OR2A5: variants seen among roughly 807,000 people sequenced by gnomAD.
OR2A5 encodes olfactory receptor 2A5.
OR2A5 carries 2 observed loss-of-function variants against 1.9 expected under a neutral mutation model. The ratio of observed to expected loss-of-function variants is 1.04; its 90% CI spans 0.43 to 3.28. OR2A5 has a LOEUF of 3.28. OR2A5 is among the 30% of genes most tolerant of loss of function. The probability of loss-of-function intolerance (pLI) is 0.08; values close to 1 mark genes in which losing one functional copy is unlikely to be tolerated. For missense variants in OR2A5, 391 were observed against 375.9 expected (o/e 1.04, Z -0.33); for synonymous variants, 160 against 154.5 (o/e 1.04, Z -0.26).
chr7:144,051,206 G>A lies in OR2A5; in HGVS notation c.805G>A (p.Glu269Lys), dbSNP rs763863522. Residue 269 changes from glutamate to lysine, a missense_variant, in exon 2 of 2, where the codon GAG becomes AAG. Glu to Lys is a moderately conservative substitution (Grantham distance 56). Coordinates refer to ENST00000641693, the MANE Select transcript of OR2A5 (RefSeq NM_012365.2). ...GGCCCCCAAGTCCCGCCACCCTGAG[G>A]AGCAGCAGAAGGTCCTTTCCCTGTT... ...YMAPKSRHPEEQQKVLSLFYS... is the reference protein window; with the variant it reads ...YMAPKSRHPEKQQKVLSLFYS... 14 of 1,614,200 alleles carry A rather than the reference G, an allele frequency of 8.7e-6. No homozygotes were observed. The highest frequency in any genetic ancestry group is 1.2e-5 in the Non-Finnish European group (14 of 1,180,036).
rs1161648059 is a variant in OR2A5 at position 144,051,623 on chromosome 7, C to G, written c.*286C>G. The G allele has an allele frequency of 2.8e-6, 1 of 360,464 alleles. No individual in the cohort carries two copies. The highest frequency in any genetic ancestry group is 5.0e-6 in the Non-Finnish European group (1 of 200,214). The allele number at this position is 360,464 out of a possible 1,614,324, so 22.3% of individuals were successfully genotyped here. A position where few individuals can be genotyped will look rare whatever the true frequency, so the allele number is the denominator to read the frequency against. On this transcript the variant is annotated 3_prime_UTR_variant, in exon 2 of 2. Coordinates refer to ENST00000641693, the MANE Select transcript of OR2A5 (RefSeq NM_012365.2). ...CTGTTCTTTTGAGGCTTAGTTCTCT[C>G]AAGCTTCCTCTTAAATTCCTCTATT...
Position 144,057,055 on chromosome 7 carries a change from C to T in OR2A5, c.*5718C>T, listed in dbSNP as rs1261488206. On this transcript the variant is annotated 3_prime_UTR_variant, in exon 2 of 2. Transcript: ENST00000641693. ...GGTCTCGATCTGCTGACCTCGTGATCCACCCACCTCGGCCTCCCAAAGTGC... is the reference window on the plus strand; with the variant it reads ...GGTCTCGATCTGCTGACCTCGTGATTCACCCACCTCGGCCTCCCAAAGTGC... 2 of 151,928 alleles carry T rather than the reference C, an allele frequency of 1.3e-5. No homozygotes were observed. The highest frequency in any genetic ancestry group is 2.9e-5 in the Non-Finnish European group (2 of 67,970). 9.4% of individuals were successfully genotyped at this position (151,928 alleles called of 1,614,324 possible).
In OR2A5 at chr7:144,056,856, C is replaced by T. The variant is rs1184741021; in HGVS notation, c.*5519C>T. 7.0e-6 allele frequency: 1 copy of T among 142,504 alleles called. No homozygotes were observed. The highest frequency in any genetic ancestry group is 2.7e-5 in the African/African-American group (1 of 37,424). 8.8% of individuals were successfully genotyped at this position (142,504 alleles called of 1,614,324 possible). On this transcript the variant is annotated 3_prime_UTR_variant, in exon 2 of 2. Transcript: ENST00000641693. Reference sequence around the variant, plus strand: ...TTGAGACGGAGTCTCGCTCTGTCGCCCAGGCTGGAGTGCAGTGGCACAATC... The same window carrying T: ...TTGAGACGGAGTCTCGCTCTGTCGCTCAGGCTGGAGTGCAGTGGCACAATC...
In OR2A5 at chr7:144,050,790, T is replaced by C. The variant is rs1453092743; in HGVS notation, c.389T>C (p.Leu130Pro). The C allele has an allele frequency of 6.2e-7, 1 of 1,614,122 alleles. No individual in the cohort carries two copies. The highest frequency in any genetic ancestry group is 8.5e-7 in the Non-Finnish European group (1 of 1,180,040). Residue 130 changes from leucine to proline, a missense_variant, in exon 2 of 2, where the codon CTG becomes CCG. Leu to Pro is a moderately conservative substitution (Grantham distance 98). Transcript: ENST00000641693. Reference protein sequence around the residue: ...YDRYMAICHPLQYSVIMRWGV... With the variant: ...YDRYMAICHPPQYSVIMRWGV... The stretch of plus-strand genomic sequence containing the variant: ...CGGTACATGGCTATCTGCCACCCTC[T>C]GCAATATTCTGTCATCATGAGATGG...
Position 144,051,436 on chromosome 7 carries a change from T to A in OR2A5, c.*99T>A. 1 of 919,434 alleles carries A rather than the reference T, an allele frequency of 1.1e-6. No homozygotes were observed. Among genetic ancestry groups the A allele is most frequent in the Non-Finnish European group, 1.6e-6 (1 of 608,154 alleles). 57.0% of individuals were successfully genotyped at this position (919,434 alleles called of 1,614,324 possible). ...CTTACAGTCTCATCTCTTAGATTTC[T>A]GATATCAAGAATGTATATTGATTGG... On this transcript the variant is annotated 3_prime_UTR_variant, in exon 2 of 2. Coordinates refer to ENST00000641693, the MANE Select transcript of OR2A5 (RefSeq NM_012365.2).
intron 1 of OR2A5, 72 bp downstream of exon 1, chr7:144,049,205 A>C (rs1047001232): frequency 6.6e-6 from 1 of 152,322 alleles, no homozygotes; most frequent in Non-Finnish European, 1.5e-5. Context: ...AGGGCTCCAG[A>C]AATCAGTACA....
chr7:144,050,364 G>T lies in OR2A5; in HGVS notation c.-38G>T. On this transcript the variant is annotated 5_prime_UTR_variant, in exon 2 of 2. Coordinates refer to ENST00000641693, the MANE Select transcript of OR2A5 (RefSeq NM_012365.2). ...TTTGCTCCTCAGCACATAGCTCATT[G>T]CCACAGCAGAGTCCAACGCAGGTAC... 7.3e-7 allele frequency: 1 copy of T among 1,366,714 alleles called. No homozygotes were observed. Among genetic ancestry groups the T allele is most frequent in the Non-Finnish European group, 1.0e-6 (1 of 998,084 alleles). The allele number at this position is 1,366,714 out of a possible 1,614,324, so 84.7% of individuals were successfully genotyped here. A position where few individuals can be genotyped will look rare whatever the true frequency, so the allele number is the denominator to read the frequency against.
Position 144,054,220 on chromosome 7 carries a change from C to A in OR2A5, c.*2883C>A, listed in dbSNP as rs2050924030. 6.6e-6 allele frequency: 1 copy of A among 152,176 alleles called. No individual in the cohort carries two copies. The highest frequency in any genetic ancestry group is 2.4e-5 in the African/African-American group (1 of 41,436). The allele number at this position is 152,176 out of a possible 1,614,324, so 9.4% of individuals were successfully genotyped here. A position where few individuals can be genotyped will look rare whatever the true frequency, so the allele number is the denominator to read the frequency against. ...TGCTACAACTTGCTAAATAGGTCTG[C>A]TTCTAGGAATAATATAGCCTCCTCA... On this transcript the variant is annotated 3_prime_UTR_variant, in exon 2 of 2. Transcript: ENST00000641693.
chr7:144,051,260 C>T lies in OR2A5; in HGVS notation c.859C>T (p.Pro287Ser), dbSNP rs774855574. ...FYSLFNPMLN[P>S]LIYSLRNAEV... ...CAGCCTTTTCAACCCGATGCTGAACCCCTTGATCTATAGCCTGAGGAACGC... is the reference window on the plus strand; with the variant it reads ...CAGCCTTTTCAACCCGATGCTGAACTCCTTGATCTATAGCCTGAGGAACGC... The change falls in exon 2 of 2, where the codon CCC becomes TCC. Residue 287 changes from proline (P) to serine (S), a missense_variant. Pro to Ser is a moderately conservative substitution (Grantham distance 74, BLOSUM62 -1). Transcript: ENST00000641693. 5.0e-6 allele frequency: 8 copies of T among 1,613,870 alleles called. No homozygotes were observed. The highest frequency in any genetic ancestry group is 4.5e-5 in the East Asian group (2 of 44,868).
rs2050909436 is a variant in OR2A5 at position 144,051,831 on chromosome 7, G to A, written c.*494G>A. Reference sequence around the variant, plus strand: ...TTGGAACCTAAAGCCTAAGGATGATGATATTAGTACTGGAAGTTCATCTAA... The same window carrying A: ...TTGGAACCTAAAGCCTAAGGATGATAATATTAGTACTGGAAGTTCATCTAA... On this transcript the variant is annotated 3_prime_UTR_variant, in exon 2 of 2. Transcript: ENST00000641693. 6.4e-6 allele frequency: 1 copy of A among 156,452 alleles called. No individual in the cohort carries two copies. The highest frequency in any genetic ancestry group is 1.4e-5 in the Non-Finnish European group (1 of 70,372). The allele number at this position is 156,452 out of a possible 1,614,324, so 9.7% of individuals were successfully genotyped here. A position where few individuals can be genotyped will look rare whatever the true frequency, so the allele number is the denominator to read the frequency against.
intron 1 of OR2A5, among the ~76,000 whole-genome samples, chr7:144,049,557 C>T (rs965849177): frequency 3.0e-4 from 45 of 152,188 alleles, no homozygotes; most frequent in African/African-American, 1.1e-3. Flanking sequence ...GGCATTGTGC[C>T]AGCAACAGCA....
rs2961119 is a variant in OR2A5 at position 144,058,759 on chromosome 7, T to C, written c.*7422T>C. Reference sequence around the variant, plus strand: ...TCTAAAATACAAAAATTACCGGGCATGGTGGCACGTGCTTGTAGTCCCAGC... The same window carrying C: ...TCTAAAATACAAAAATTACCGGGCACGGTGGCACGTGCTTGTAGTCCCAGC... On this transcript the variant is annotated 3_prime_UTR_variant, in exon 2 of 2. Coordinates refer to ENST00000641693, the MANE Select transcript of OR2A5 (RefSeq NM_012365.2). 48,788 of 151,866 alleles carry C rather than the reference T, an allele frequency of 0.32. 8,539 individuals are homozygous for C. The highest frequency in any genetic ancestry group is 0.43 in the African/African-American group (17,713 of 41,352). 9.4% of individuals were successfully genotyped at this position (151,866 alleles called of 1,614,324 possible).
In OR2A5 at chr7:144,051,530, G is replaced by C. The variant is rs2050906860; in HGVS notation, c.*193G>C. ...ATGCAGACAGGCGCTGAGCCGTGTG[G>C]TGCAGCAGAGGTGCAAAGTGCCATG... is the stretch of plus-strand genomic sequence containing the variant. On this transcript the variant is annotated 3_prime_UTR_variant, in exon 2 of 2. Transcript: ENST00000641693. 1.9e-5 allele frequency: 11 copies of C among 570,434 alleles called. No homozygotes were observed. The Admixed American group carries it at 2.3e-4, about 12-fold the overall frequency. 35.3% of individuals were successfully genotyped at this position (570,434 alleles called of 1,614,324 possible).
rs2050913726 is a variant in OR2A5 at position 144,052,508 on chromosome 7, T to G, written c.*1171T>G. The G allele has an allele frequency of 6.6e-6, 1 of 152,152 alleles. No homozygotes were observed. Among genetic ancestry groups the G allele is most frequent in the Admixed American group, 6.6e-5 (1 of 15,264 alleles). The allele number at this position is 152,152 out of a possible 1,614,324, so 9.4% of individuals were successfully genotyped here. A position where few individuals can be genotyped will look rare whatever the true frequency, so the allele number is the denominator to read the frequency against. On this transcript the variant is annotated 3_prime_UTR_variant, in exon 2 of 2. Transcript: ENST00000641693. ...ATTACATTATCTGCTGCCTGTACCTTTTCTATTTTTACAATTTTAAAATAT... is the reference window on the plus strand; with the variant it reads ...ATTACATTATCTGCTGCCTGTACCTGTTCTATTTTTACAATTTTAAAATAT...
rs2050942848 is a variant in OR2A5 at position 144,056,817 on chromosome 7, T to TTG, written c.*5481_*5482insGT. ...TGAAATAAGGACTAACTCTTGTTTT[T>TTG]TTTTTTTTTTTTTTTGAGACGGAGT... On this transcript the variant is annotated 3_prime_UTR_variant, in exon 2 of 2. Transcript: ENST00000641693. The TTG allele has an allele frequency of 6.9e-6, 1 of 144,140 alleles. No homozygotes were observed. 8.9% of individuals were successfully genotyped at this position (144,140 alleles called of 1,614,324 possible).
chr7:144,051,432 T>C lies in OR2A5; in HGVS notation c.*95T>C. 2 of 941,376 alleles carry C rather than the reference T, an allele frequency of 2.1e-6. No individual in the cohort carries two copies. Among genetic ancestry groups the C allele is most frequent in the Non-Finnish European group, 3.2e-6 (2 of 626,042 alleles). 58.3% of individuals were successfully genotyped at this position (941,376 alleles called of 1,614,324 possible). ...ATGCCTTACAGTCTCATCTCTTAGA[T>C]TTCTGATATCAAGAATGTATATTGA... On this transcript the variant is annotated 3_prime_UTR_variant, in exon 2 of 2. Coordinates refer to ENST00000641693, the MANE Select transcript of OR2A5 (RefSeq NM_012365.2).
chr7:144,051,644 C>T lies in OR2A5; in HGVS notation c.*307C>T, dbSNP rs2050908037. The T allele has an allele frequency of 3.2e-6, 1 of 310,756 alleles. No individual in the cohort carries two copies. The highest frequency in any genetic ancestry group is 5.9e-6 in the Non-Finnish European group (1 of 169,276). The allele number at this position is 310,756 out of a possible 1,614,324, so 19.2% of individuals were successfully genotyped here. A position where few individuals can be genotyped will look rare whatever the true frequency, so the allele number is the denominator to read the frequency against. On this transcript the variant is annotated 3_prime_UTR_variant, in exon 2 of 2. Coordinates refer to ENST00000641693, the MANE Select transcript of OR2A5 (RefSeq NM_012365.2). ...CTCTCAAGCTTCCTCTTAAATTCCT[C>T]TATTATTTCCATCTCTTTTTGCCAT...
Position 144,050,560 on chromosome 7 carries a change from A to G in OR2A5, c.159A>G (p.Arg53=). The G allele has an allele frequency of 6.2e-7, 1 of 1,609,948 alleles. No homozygotes were observed. Among genetic ancestry groups the G allele is most frequent in the Non-Finnish European group, 8.5e-7 (1 of 1,177,806 alleles). Residue 53 remains arginine (R), a synonymous_variant, in exon 2 of 2, where the codon AGA becomes AGG. Coordinates refer to ENST00000641693, the MANE Select transcript of OR2A5 (RefSeq NM_012365.2). The stretch of plus-strand genomic sequence containing the variant: ...TGGGGCTCATCTGGCTGGACTCCAG[A>G]CTGCACACCCCCATGTACTTCTTTC... ...AILGLIWLDS[R]LHTPMYFFLS...
At position 144,050,331 on chromosome 7, in the gene OR2A5, G is replaced by T; in HGVS notation, c.-51-20G>T. On this transcript the variant is annotated intron_variant, in intron 1 of 1. Transcript: ENST00000641693. ...CTCCTTCTGTTAACTGACTAATCCGGATCTGCATTTGCTCCTCAGCACATA... is the reference window on the plus strand; with the variant it reads ...CTCCTTCTGTTAACTGACTAATCCGTATCTGCATTTGCTCCTCAGCACATA... 1.0e-6 allele frequency: 1 copy of T among 995,840 alleles called. No homozygotes were observed. Among genetic ancestry groups the T allele is most frequent in the Non-Finnish European group, 1.5e-6 (1 of 664,474 alleles). 61.7% of individuals were successfully genotyped at this position (995,840 alleles called of 1,614,324 possible). A position where few individuals can be genotyped will look rare whatever the true frequency, so the allele number is the denominator to read the frequency against.
Sources: allele counts gnomAD v4.1 joint callset (sites outside exome capture counted in the v4.1 genomes callset), GRCh38; gene constraint gnomAD v4.1.1; transcripts MANE v1.5; gene names NCBI Gene and HGNC (gene_info 2026-07-23, HGNC 2026-07-21).